Variants in TECRL observed in about 807,000 individuals in gnomAD.
TECRL encodes the protein trans-2,3-enoyl-CoA reductase-like.
In TECRL, 63 loss-of-function variants were observed where a neutral mutation model predicts 52.8. That is an observed-to-expected ratio of 1.19 (90% CI 0.97 to 1.47). TECRL has a LOEUF of 1.47. TECRL is among the 40% of genes most tolerant of loss of function. The pLI is 0.00. For missense variants in TECRL, 482 were observed against 429.6 expected (o/e 1.12, Z -1.08); for synonymous variants, 164 against 141.9 (o/e 1.16, Z -1.10).
At chr4:64,362,764 A>G (rs1577937313) in intron 2 of TECRL, among the ~76,000 whole-genome samples, 1 of 152,166 alleles carries the variant, frequency 6.6e-6, no homozygotes, top group East Asian at 1.9e-4. Flanking sequence ...TACATAGTAC[A>G]TTGACTCTAA....
At chr4:64,360,025 T>C (rs936902146) in intron 2 of TECRL, among the ~76,000 whole-genome samples, 4 of 152,150 alleles carry the variant, frequency 2.6e-5, no homozygotes, top group Non-Finnish European at 5.9e-5. Context: ...ACAAGAAAAT[T>C]GTATTCTTCT....
At chr4:64,385,667 C>A (rs3921863) in intron 1 of TECRL, among the ~76,000 whole-genome samples, 1 of 152,112 alleles carries the variant, frequency 6.6e-6, no homozygotes, top group African/African-American at 2.4e-5. Flanking sequence ...ATATAATTTA[C>A]TGGGGACTGA....
chr4:64,318,145 C>A (rs569347869), intron 4 of TECRL, among the ~76,000 whole-genome samples: 7 of 152,228 alleles, frequency 4.6e-5, no homozygotes, highest in African/African-American at 1.7e-4. Context: ...AAATTTTTCA[C>A]ATACATTTTC....
chr4:64,285,947 CCT>C (rs1243082257), intron 9 of TECRL, among the ~76,000 whole-genome samples: 1 of 152,084 alleles, frequency 6.6e-6, no homozygotes, highest in Non-Finnish European at 1.5e-5. Context: ...TGAAAAACCT[CCT>C]CTGTTTCCAG....
chr4:64,341,556 G>C (rs994287433), intron 2 of TECRL, among the ~76,000 whole-genome samples: 1 of 152,056 alleles, frequency 6.6e-6, no homozygotes, highest in African/African-American at 2.4e-5. Flanking sequence ...AGTGAGCTGA[G>C]ATCACATCAT....
chr4:64,402,333 AG>A (rs1724410239), intron 1 of TECRL, among the ~76,000 whole-genome samples: 1 of 152,094 alleles, frequency 6.6e-6, no homozygotes, highest in Non-Finnish European at 1.5e-5. Context: ...ATAAACTATT[AG>A]AAAAAAATAC....
chr4:64,305,339 C>G (rs1724267173), intron 6 of TECRL, 101 bp from the exon 7 acceptor site: 1 of 944,794 alleles, frequency 1.1e-6, no homozygotes, highest in South Asian at 1.5e-5. Flanking sequence ...AATTTGAAAC[C>G]ACCACATACA....
Position 64,300,077 on chromosome 4 carries a change from T to C in TECRL, c.731-60A>G, listed in dbSNP as rs543929969. On this transcript the variant is annotated intron_variant, in intron 7 of 11. Coordinates refer to ENST00000381210, the MANE Select transcript of TECRL (RefSeq NM_001010874.5). ...CTCATAGTTTGGATTGTCAAATATA[T>C]AGACATAATTCAGGCAGTATTTATT... 9 of 1,299,620 alleles carry C rather than the reference T, an allele frequency of 6.9e-6. No individual in the cohort carries two copies. The African/African-American group carries it at 1.2e-4, about 17-fold the overall frequency. 80.5% of individuals were successfully genotyped at this position (1,299,620 alleles called of 1,614,324 possible). A position where few individuals can be genotyped will look rare whatever the true frequency, so the allele number is the denominator to read the frequency against.
chr4:64,389,076 A>C (rs1401996464), intron 1 of TECRL, among the ~76,000 whole-genome samples: 1 of 152,000 alleles, frequency 6.6e-6, no homozygotes. Flanking sequence ...ATCTTCAAAG[A>C]CTTTTAATTT....
chr4:64,354,664 G>A (rs1720640298), intron 2 of TECRL, among the ~76,000 whole-genome samples: 1 of 152,172 alleles, frequency 6.6e-6, no homozygotes, highest in Non-Finnish European at 1.5e-5. Flanking sequence ...ATGGAATGGG[G>A]TCTGAGGTTT....
At chr4:64,305,558 A>G (rs1057330594) in intron 6 of TECRL, among the ~76,000 whole-genome samples, 6 of 152,138 alleles carry the variant, frequency 3.9e-5, no homozygotes, top group African/African-American at 1.2e-4. Context: ...AGGACAAAAT[A>G]TGGTTAAGAA....
At chr4:64,390,871 A>G (rs1723500358) in intron 1 of TECRL, among the ~76,000 whole-genome samples, 1 of 151,830 alleles carries the variant, frequency 6.6e-6, no homozygotes, top group South Asian at 2.1e-4. Context: ...TTAAAATATG[A>G]CAAATATGAA....
rs764218341 is a variant in TECRL, at chr4:64,280,155, C to T, written c.1009G>A (p.Ala337Thr). 10 of 1,598,154 alleles carry T rather than the reference C, an allele frequency of 6.3e-6. No individual in the cohort carries two copies. The highest frequency in any genetic ancestry group is 8.5e-6 in the Non-Finnish European group (10 of 1,172,768). The change falls in exon 12 of 12, where the codon GCA becomes ACA. Residue 337 changes from alanine (A) to threonine (T), a missense_variant. Physicochemically the swap from Ala to Thr is moderately conservative, Grantham distance 58 (BLOSUM62 0). Transcript: ENST00000381210. The part of the protein sequence containing the change: ...LLMSIQMSLW[A>T]QKKHKIYLRK... ...AGATAAATCTTATGTTTCTTTTGTGCCCACAAAGACATCTGGATACTCATC... is the reference window on the plus strand; with the variant it reads ...AGATAAATCTTATGTTTCTTTTGTGTCCACAAAGACATCTGGATACTCATC...
chr4:64,409,421 T>G lies in TECRL; in HGVS notation c.-70A>C. Reference sequence around the variant, plus strand: ...TGCAAGTGTGTTCCTTTTGCATCAGTTAAATACTGCTGGAGAACCTTTGAA... The same window carrying G: ...TGCAAGTGTGTTCCTTTTGCATCAGGTAAATACTGCTGGAGAACCTTTGAA... On this transcript the variant is annotated 5_prime_UTR_variant, in exon 1 of 12. Transcript: ENST00000381210. The G allele has an allele frequency of 6.4e-7, 1 of 1,561,908 alleles. No individual in the cohort carries two copies.
At chr4:64,403,475 G>GCGCGCGCACACA (rs59253067) in intron 1 of TECRL, among the ~76,000 whole-genome samples, 8 of 148,238 alleles carry the variant, frequency 5.4e-5, no homozygotes, top group African/African-American at 1.5e-4. Flanking sequence ...CTCCCTGAGC[G>GCGCGCGCACACA]CACACACACA....
At chr4:64,305,261 T>C (rs1412824930) in intron 6 of TECRL, 23 bp from the exon 7 acceptor site, 3 of 1,600,676 alleles carry the variant, frequency 1.9e-6, no homozygotes, top group Non-Finnish European at 1.7e-6. Flanking sequence ...CAAAACAAAA[T>C]AAAAGTTAGG....
intron 2 of TECRL, among the ~76,000 whole-genome samples, chr4:64,334,656 A>T (rs533393082): frequency 6.6e-6 from 1 of 152,206 alleles, no homozygotes; most frequent in African/African-American, 2.4e-5. Flanking sequence ...TGCAGAAAAA[A>T]GTTTCTATAG....
At chr4:64,276,906 T>TA, downstream of TECRL, 1 of 590,668 alleles carries the variant, frequency 1.7e-6, no homozygotes, top group East Asian at 2.8e-5. Context: ...TAGTAACTCC[T>TA]AAAACCTGTA....
At chr4:64,314,586 G>A (rs557489164) in intron 5 of TECRL, 62 bp downstream of exon 5, 11 of 1,139,280 alleles carry the variant, frequency 9.7e-6, no homozygotes, top group Admixed American at 7.8e-5. Context: ...TCCTTAACGT[G>A]TATGGTGTGT....
Sources: allele counts gnomAD v4.1 joint callset (sites outside exome capture counted in the v4.1 genomes callset), GRCh38; gene constraint gnomAD v4.1.1; transcripts MANE v1.5; gene names NCBI Gene and HGNC (gene_info 2026-07-23, HGNC 2026-07-21).